ACACA: variants seen among roughly 807,000 people sequenced by gnomAD.
The protein encoded by ACACA is acetyl-CoA carboxylase 1.
In ACACA, 103 loss-of-function variants were observed where a neutral mutation model predicts 296.1. The ratio of observed to expected loss-of-function variants is 0.35; its 90% CI spans 0.30 to 0.41. The LOEUF is 0.41. Among genes scored for constraint, ACACA ranks in the 10% least tolerant of loss-of-function variants. ACACA has a pLI of 1.00. For synonymous variants in ACACA, 953 were observed against 1,038.6 expected (o/e 0.92, Z 1.58); for missense variants, 1,554 against 2,989.7 (o/e 0.52, Z 11.20).
intron 22 of ACACA, 52 bp from the exon 23 acceptor site, chr17:37,242,105 A>T: frequency 7.2e-7 from 1 of 1,384,670 alleles, no homozygotes; most frequent in Admixed American, 1.7e-5. Context: ...AAAATGCCCC[A>T]AAGCATCAGC....
intron 1 of ACACA, among the ~76,000 whole-genome samples, chr17:37,383,023 C>T (rs922795395): frequency 1.3e-5 from 2 of 152,120 alleles, no homozygotes; most frequent in Non-Finnish European, 2.9e-5. Context: ...GGCAATAGAG[C>T]GAGACTCCAT....
intron 33 of ACACA, among the ~76,000 whole-genome samples, chr17:37,204,996 T>G (rs972627417): frequency 3.0e-4 from 46 of 152,290 alleles, no homozygotes; most frequent in African/African-American, 1.1e-3. Flanking sequence ...CCTGCTGCAG[T>G]GTCTCAGGTA....
At chr17:37,282,783 C>A (rs1192273797) in intron 5 of ACACA, among the ~76,000 whole-genome samples, 1 of 152,070 alleles carries the variant, frequency 6.6e-6, no homozygotes, top group Non-Finnish European at 1.5e-5. Context: ...GACAGAGAAC[C>A]ATCTGAGTAA....
In ACACA at chr17:37,099,499, G is replaced by T. The variant is rs571969727; in HGVS notation, c.6566-1515C>A. On this transcript the variant is annotated intron_variant, in intron 52 of 55. Coordinates refer to ENST00000616317, the MANE Select transcript of ACACA (RefSeq NM_198834.3). ...GGGCTGATGGGAGGAGGGCTGATGG[G>T]AGGAGGGCTGATAGCAGGAGGGCTG... 8.5e-5 allele frequency among the ~76,000 whole-genome samples: 10 copies of T among 117,170 alleles called. No individual in the cohort carries two copies. The East Asian group carries it at 1.8e-3, about 21-fold the overall frequency. 76.9% of individuals were successfully genotyped at this position (117,170 alleles called of 152,430 possible).
intron 38 of ACACA, among the ~76,000 whole-genome samples, chr17:37,190,820 G>T (rs1291240429): frequency 2.6e-5 from 4 of 152,154 alleles, no homozygotes; most frequent in African/African-American, 4.8e-5. Flanking sequence ...CCACTATTAT[G>T]GCAAATATAA....
intron 1 of ACACA, chr17:37,385,904 C>A: frequency 1.4e-6 from 1 of 727,866 alleles, no homozygotes; most frequent in Admixed American, 2.8e-5. Flanking sequence ...TTAATGGGAC[C>A]ACAATTGGAA....
chr17:37,128,051 A>AAAAAAAAAAAAAAG (rs2074902982), intron 47 of ACACA, among the ~76,000 whole-genome samples: 1 of 148,170 alleles, frequency 6.7e-6, no homozygotes, highest in Non-Finnish European at 1.5e-5. Flanking sequence ...AAAAAAAAAA[A>AAAAAAAAAAAAAAG]AAACAGTAGG....
intron 52 of ACACA, among the ~76,000 whole-genome samples, chr17:37,103,725 A>G (rs1280949368): frequency 2.5e-5 from 1 of 40,610 alleles, no homozygotes; most frequent in Non-Finnish European, 3.8e-5. Context: ...ACACACAAAC[A>G]CACACACACA....
At chr17:37,140,840 G>A in intron 45 of ACACA, 1 of 244,296 alleles carries the variant, frequency 4.1e-6, no homozygotes, top group Non-Finnish European at 8.1e-6. Context: ...ATCAATACTG[G>A]CCATCATCAG....
Position 37,205,795 on chromosome 17 carries a change from T to C in ACACA, c.4026A>G (p.Ala1342=). 6.2e-7 allele frequency: 1 copy of C among 1,613,704 alleles called. No homozygotes were observed. Among genetic ancestry groups the C allele is most frequent in the South Asian group, 1.1e-5 (1 of 91,078 alleles). Residue 1342 remains alanine (A), a synonymous_variant, in exon 33 of 56, where the codon GCA becomes GCG. Coordinates refer to ENST00000616317, the MANE Select transcript of ACACA (RefSeq NM_198834.3). ...GCTGGGTAAATTCTCTGAACATAGC[T>C]GCCAGCCTGTCATCCTCAATATCAC... is the stretch of plus-strand genomic sequence containing the variant. ...TDCDIEDDRL[A]AMFREFTQQN...
At chr17:37,362,091 G>A (rs1340446646) in intron 1 of ACACA, among the ~76,000 whole-genome samples, 1 of 152,148 alleles carries the variant, frequency 6.6e-6, no homozygotes, top group East Asian at 1.9e-4. Flanking sequence ...ACACACATAT[G>A]AAGACATAGG....
At chr17:37,281,305 C>T (rs2082521097) in intron 5 of ACACA, among the ~76,000 whole-genome samples, 1 of 151,928 alleles carries the variant, frequency 6.6e-6, no homozygotes, top group Non-Finnish European at 1.5e-5. Flanking sequence ...GTGATCCACC[C>T]GCTTGAGCAT....
chr17:37,151,969 T>C (rs1160876517), intron 43 of ACACA, among the ~76,000 whole-genome samples: 1 of 145,876 alleles, frequency 6.9e-6, no homozygotes, highest in Admixed American at 6.8e-5. Context: ...CTAATTTTTG[T>C]TTTTTTTAGT....
At chr17:37,162,590 G>A in intron 41 of ACACA, 1 of 257,312 alleles carries the variant, frequency 3.9e-6, no homozygotes, top group Non-Finnish European at 7.6e-6. Flanking sequence ...CCTCTTGTGG[G>A]TGAAAGCAAG....
In ACACA at chr17:37,164,882, TG is replaced by T. The variant is rs2076603158; in HGVS notation, c.5080-2833del. On this transcript the variant is annotated intron_variant, in intron 41 of 55. Coordinates refer to ENST00000616317, the MANE Select transcript of ACACA (RefSeq NM_198834.3). Reference sequence around the variant, plus strand: ...GCCCTGAAGAATCTACTTCAGCATTTGTGTGCTAATGTAAACATTGTGACCA... The same window carrying T: ...GCCCTGAAGAATCTACTTCAGCATTTTGTGCTAATGTAAACATTGTGACCA... Among the ~76,000 whole-genome samples, 6 of 152,324 alleles carry T rather than the reference TG, an allele frequency of 3.9e-5. No homozygotes were observed. The South Asian group carries it at 8.3e-4, about 21-fold the overall frequency.
intron 11 of ACACA, among the ~76,000 whole-genome samples, chr17:37,260,401 T>A (rs952460609): frequency 6.7e-6 from 1 of 148,974 alleles, no homozygotes; most frequent in African/African-American, 2.5e-5. Flanking sequence ...CCTCTCGGAT[T>A]CAAGTGATTC....
At chr17:37,167,512 T>C (rs1598041938) in intron 41 of ACACA, among the ~76,000 whole-genome samples, 1 of 151,824 alleles carries the variant, frequency 6.6e-6, no homozygotes, top group South Asian at 2.1e-4. Context: ...AGAGACGGGA[T>C]TTCACCATGT....
At chr17:37,248,270 T>C (rs879121904) in intron 17 of ACACA, 114 bp from the exon 18 acceptor site, 12 of 1,297,380 alleles carry the variant, frequency 9.2e-6, no homozygotes, top group African/African-American at 8.7e-5. Flanking sequence ...AGAAAATTCA[T>C]GGCACTGATG....
Position 37,406,826 on chromosome 17 carries a change from G to A in ACACA, c.-527C>T, listed in dbSNP as rs1256670629. 1 of 148,016 alleles carries A rather than the reference G, an allele frequency of 6.8e-6. No homozygotes were observed. The highest frequency in any genetic ancestry group is 1.5e-5 in the Non-Finnish European group (1 of 66,568). 9.2% of individuals were successfully genotyped at this position (148,016 alleles called of 1,614,324 possible). A position where few individuals can be genotyped will look rare whatever the true frequency, so the allele number is the denominator to read the frequency against. On this transcript the variant is annotated 5_prime_UTR_variant, in exon 1 of 56. Coordinates refer to ENST00000616317, the MANE Select transcript of ACACA (RefSeq NM_198834.3). Reference sequence around the variant, plus strand: ...CGGCGGGGGCCTCCACGGCCGAGGGGCGGAGGCGGCGGGCGCGCGGCACGC... The same window carrying A: ...CGGCGGGGGCCTCCACGGCCGAGGGACGGAGGCGGCGGGCGCGCGGCACGC...
Sources: allele counts gnomAD v4.1 joint callset (sites outside exome capture counted in the v4.1 genomes callset), GRCh38; gene constraint gnomAD v4.1.1; transcripts MANE v1.5; gene names NCBI Gene and HGNC (gene_info 2026-07-23, HGNC 2026-07-21).